Variants in DNAH3 observed in about 807,000 individuals in gnomAD.
The protein encoded by DNAH3 is axonemal beta dynein heavy chain 3.
Under a neutral mutation model 432.5 loss-of-function variants are expected in DNAH3, and 332 were observed. The observed-to-expected ratio is 0.77, with a 90% CI of 0.70 to 0.84. The LOEUF is 0.84. Ranked by LOEUF, DNAH3 falls within the 40% of genes least tolerant of loss-of-function variation. The pLI, the probability that DNAH3 is intolerant of heterozygous loss-of-function variation, is 0.00. For missense variants in DNAH3, 4,861 were observed against 5,114.0 expected (o/e 0.95, Z 1.51); for synonymous variants, 1,956 against 1,900.2 (o/e 1.03, Z -0.76).
chr16:21,092,111 C>T (rs749666837), intron 18 of DNAH3, among the ~76,000 whole-genome samples: 7 of 152,068 alleles, frequency 4.6e-5, no homozygotes, highest in Admixed American at 1.3e-4. Flanking sequence ...ATTGACAAGC[C>T]GATTCTAAAA....
At chr16:21,076,824 T>TA (rs1022458938) in intron 20 of DNAH3, among the ~76,000 whole-genome samples, 2 of 152,212 alleles carry the variant, frequency 1.3e-5, no homozygotes, top group Non-Finnish European at 2.9e-5. Flanking sequence ...GAATCTTGAT[T>TA]AAAAGCCAAT....
chr16:21,154,558 G>A (rs1375703549), intron 1 of DNAH3, among the ~76,000 whole-genome samples: 2 of 152,108 alleles, frequency 1.3e-5, no homozygotes, highest in East Asian at 1.9e-4. Context: ...TTCGCTTATT[G>A]AGCATATACT....
chr16:20,936,050 T>C (rs954534732), intron 60 of DNAH3, among the ~76,000 whole-genome samples: 2 of 152,172 alleles, frequency 1.3e-5, no homozygotes, highest in Non-Finnish European at 2.9e-5. Flanking sequence ...TTTTTATATG[T>C]AAAAAATCAA....
chr16:21,073,816 T>C (rs1597314731), intron 21 of DNAH3, among the ~76,000 whole-genome samples: 1 of 152,142 alleles, frequency 6.6e-6, no homozygotes, highest in East Asian at 1.9e-4. Context: ...GAGGGGGTCT[T>C]GCCCTATGCC....
chr16:20,946,772 C>T (rs200457372), intron 57 of DNAH3, among the ~76,000 whole-genome samples: 2 of 151,548 alleles, frequency 1.3e-5, no homozygotes, highest in South Asian at 2.1e-4. Flanking sequence ...CTTTTACCTG[C>T]CCCCAAGCAA....
At chr16:20,955,027 C>A in exon 55 of DNAH3, 1 of 1,612,332 alleles carries the variant, frequency 6.2e-7, no homozygotes, top group Admixed American at 1.7e-5. Flanking sequence ...TGACTGGAAA[C>A]TTCTCTGATG....
intron 27 of DNAH3, among the ~76,000 whole-genome samples, chr16:21,056,761 T>A (rs2090150785): frequency 6.6e-6 from 1 of 152,070 alleles, no homozygotes; most frequent in African/African-American, 2.4e-5. Context: ...GGAAACATTC[T>A]CCCTAACTAT....
chr16:20,993,534 A>C (rs774563147), intron 44 of DNAH3, among the ~76,000 whole-genome samples: 3 of 152,170 alleles, frequency 2.0e-5, no homozygotes, highest in Non-Finnish European at 4.4e-5. Flanking sequence ...TAAAATCCTC[A>C]ACTCTCATTT....
intron 1 of DNAH3, among the ~76,000 whole-genome samples, chr16:21,154,292 C>T (rs1423645047): frequency 6.6e-6 from 1 of 152,122 alleles, no homozygotes; most frequent in Non-Finnish European, 1.5e-5. Context: ...GTAATCCCAG[C>T]TTCTTGGGTT....
chr16:21,040,359 T>TC (rs367598965), intron 32 of DNAH3, among the ~76,000 whole-genome samples: 1,225 of 31,322 alleles, frequency 0.039, 144 homozygotes, highest in Middle Eastern at 0.09. Flanking sequence ...GCCAGACAGA[T>TC]TTTTTTTTTT....
intron 18 of DNAH3, among the ~76,000 whole-genome samples, chr16:21,096,352 G>A (rs1023460731): frequency 1.3e-5 from 2 of 151,366 alleles, no homozygotes; most frequent in East Asian, 1.9e-4. Context: ...GGCTGGTCTC[G>A]AACTCCTGGG....
intron 18 of DNAH3, among the ~76,000 whole-genome samples, chr16:21,087,771 C>G (rs2091424298): frequency 6.6e-6 from 1 of 151,910 alleles, no homozygotes; most frequent in Non-Finnish European, 1.5e-5. Context: ...TGGTGGCATG[C>G]TCTGTAGTCC....
At chr16:20,946,819 CTTTTTTTTTTTT>C (rs71149199) in intron 57 of DNAH3, among the ~76,000 whole-genome samples, 11 of 70,868 alleles carry the variant, frequency 1.6e-4, no homozygotes, top group African/African-American at 6.4e-4. Flanking sequence ...ATTGTGAGTC[CTTTTTTTTTTTT>C]TTTTTTTTTT....
At position 21,034,138 on chromosome 16, in the gene DNAH3, T is replaced by C. The variant is rs148256144; in HGVS notation, c.5086-53A>G. On this transcript the variant is annotated intron_variant, in intron 35 of 61. Coordinates refer to ENST00000261383, the Ensembl canonical transcript of DNAH3. ...AGCTAATCATTGCAACGCTCCCCCA[T>C]TGTGAGTTAGTCAGAAGTCAATGAG... The C allele has an allele frequency of 4.9e-5, 60 of 1,222,118 alleles. No homozygotes were observed. In the Middle Eastern group the frequency reaches 1.7e-3, roughly 35 times the overall value. The allele number at this position is 1,222,118 out of a possible 1,614,324, so 75.7% of individuals were successfully genotyped here. A position where few individuals can be genotyped will look rare whatever the true frequency, so the allele number is the denominator to read the frequency against.
At position 21,125,443 on chromosome 16, in the gene DNAH3, A is replaced by G. The variant is rs149978885; in HGVS notation, c.1209-73T>C. ...AGGAACCCACTTGCCGTGCCCCCTGAGCTCAGTGATGAGGCAGATGGGCTC... is the reference window on the plus strand; with the variant it reads ...AGGAACCCACTTGCCGTGCCCCCTGGGCTCAGTGATGAGGCAGATGGGCTC... On this transcript the variant is annotated intron_variant, in intron 8 of 61. Coordinates refer to ENST00000261383, the Ensembl canonical transcript of DNAH3. The G allele has an allele frequency of 1.3e-4, 180 of 1,336,116 alleles. No individual in the cohort carries two copies. In the African/African-American group the frequency reaches 2.4e-3, roughly 18 times the overall value. The allele number at this position is 1,336,116 out of a possible 1,614,324, so 82.8% of individuals were successfully genotyped here.
At chr16:21,134,482 T>C in intron 6 of DNAH3, 28 bp from the exon 8 acceptor site, 7 of 1,600,484 alleles carry the variant, frequency 4.4e-6, no homozygotes, top group South Asian at 1.1e-5. Flanking sequence ...GAACACCTCA[T>C]TATTAAGCTC....
exon 53 of DNAH3, chr16:20,964,241 G>T (rs759078412): frequency 6.2e-7 from 1 of 1,614,084 alleles, no homozygotes; most frequent in South Asian, 1.1e-5. Context: ...TCCAGCTCTG[G>T]CTTCTCCTTC....
chr16:21,109,759 GAC>G (rs973827719), intron 14 of DNAH3, among the ~76,000 whole-genome samples: 1 of 148,308 alleles, frequency 6.7e-6, no homozygotes, highest in African/African-American at 2.5e-5. Context: ...TTTTTTTTGA[GAC>G]AGAGTCTTAT....
At chr16:20,964,204 T>G in exon 53 of DNAH3, 1 of 1,614,156 alleles carries the variant, frequency 6.2e-7, no homozygotes, top group Non-Finnish European at 8.5e-7. Flanking sequence ...CTTGGCACTT[T>G]CCACAATCAA....
Sources: allele counts gnomAD v4.1 joint callset (sites outside exome capture counted in the v4.1 genomes callset), GRCh38; gene constraint gnomAD v4.1.1; transcripts MANE v1.5; gene names NCBI Gene and HGNC (gene_info 2026-07-23, HGNC 2026-07-21).